Variants in ENG observed in about 807,000 individuals in gnomAD.
ENG encodes CD105 antigen.
In ENG, 17 loss-of-function variants were observed where a neutral mutation model predicts 71.0. The observed-to-expected ratio is 0.24, with a 90% CI of 0.16 to 0.36. The LOEUF (loss-of-function observed/expected upper bound fraction) is 0.36, where lower values mean the gene tolerates loss of function less well. Among genes scored for constraint, ENG ranks in the 10% least tolerant of loss-of-function variants. The pLI is 1.00. For synonymous variants in ENG, 360 were observed against 366.9 expected, an observed-to-expected ratio of 0.98 and a Z score of 0.21; for missense variants, 749 against 868.3, an observed-to-expected ratio of 0.86 and a Z score of 1.73.
At chr9:127,845,753 C>T (rs1236191257) in intron 1 of ENG, among the ~76,000 whole-genome samples, 3 of 152,346 alleles carry the variant, frequency 2.0e-5, no homozygotes, top group South Asian at 2.1e-4. Flanking sequence ...GTCTCCTGGG[C>T]TGGAGTGCAG....
chr9:127,850,580 T>C (rs1266869808), intron 1 of ENG, among the ~76,000 whole-genome samples: 1 of 152,160 alleles, frequency 6.6e-6, no homozygotes. Context: ...TCCTAGCAAA[T>C]GGGAACGCAG....
rs1831080531 is a variant in ENG at position 127,843,120 on chromosome 9, G to C, written c.193C>G (p.His65Asp). Reference sequence around the variant, plus strand: ...GTTGGGAACTCCAGGAAGAGGACATGGACTTCAAGGATGGCATTGGGGGCC... The same window carrying C: ...GTTGGGAACTCCAGGAAGAGGACATCGACTTCAAGGATGGCATTGGGGGCC... ...AQAPNAILEVHVLFLEFPTGP... is the reference protein window; with the variant it reads ...AQAPNAILEVDVLFLEFPTGP... Residue 65 changes from histidine to aspartate, a missense_variant, in exon 2 of 15, where the codon CAT becomes GAT. By Grantham distance (81) the His-to-Asp change is moderately conservative (BLOSUM62 -1). Coordinates refer to ENST00000373203, the MANE Select transcript of ENG (RefSeq NM_001114753.3). 6.2e-7 allele frequency: 1 copy of C among 1,614,058 alleles called. No homozygotes were observed. The highest frequency in any genetic ancestry group is 1.7e-5 in the Admixed American group (1 of 60,012).
At chr9:127,840,431 AC>A (rs1233562468) in intron 2 of ENG, among the ~76,000 whole-genome samples, 2 of 152,238 alleles carry the variant, frequency 1.3e-5, no homozygotes, top group African/African-American at 4.8e-5. Context: ...CCCTGTCTCT[AC>A]TAAAAATACA....
chr9:127,841,949 C>T (rs1259751371), intron 2 of ENG, among the ~76,000 whole-genome samples: 3 of 152,188 alleles, frequency 2.0e-5, no homozygotes, highest in African/African-American at 4.8e-5. Flanking sequence ...GGCAGATGAG[C>T]CTTGGGAGGC....
At chr9:127,847,642 G>T (rs903075988) in intron 1 of ENG, among the ~76,000 whole-genome samples, 2 of 152,058 alleles carry the variant, frequency 1.3e-5, no homozygotes, top group Admixed American at 6.6e-5. Context: ...TAGAGACGGG[G>T]TTTCGCCGTA....
At chr9:127,818,023 C>T in intron 12 of ENG, 97 bp downstream of exon 12, 2 of 1,589,188 alleles carry the variant, frequency 1.3e-6, no homozygotes, top group Non-Finnish European at 1.7e-6. Context: ...CCCTCACCAG[C>T]TGGCCCCACA....
intron 1 of ENG, among the ~76,000 whole-genome samples, chr9:127,850,537 G>T (rs1422157999): frequency 6.6e-6 from 1 of 152,198 alleles, no homozygotes; most frequent in Non-Finnish European, 1.5e-5. Context: ...CCCTCTCCTG[G>T]TTCACACGGC....
chr9:127,830,243 G>A (rs1354948640), intron 2 of ENG, among the ~76,000 whole-genome samples: 1 of 150,818 alleles, frequency 6.6e-6, no homozygotes, highest in Non-Finnish European at 1.5e-5. Context: ...TGGGGAGGCT[G>A]AGACACAAGA....
intron 1 of ENG, among the ~76,000 whole-genome samples, chr9:127,845,018 C>T (rs1831136675): frequency 2.0e-5 from 3 of 152,156 alleles, no homozygotes; most frequent in Admixed American, 6.5e-5. Context: ...CCAGCAGGGT[C>T]GGAAAAGGAA....
intron 1 of ENG, among the ~76,000 whole-genome samples, chr9:127,849,669 T>C (rs1831246043): frequency 6.6e-6 from 1 of 152,084 alleles, no homozygotes; most frequent in Non-Finnish European, 1.5e-5. Flanking sequence ...GTACCCCGGA[T>C]GGGAGGGCCG....
chr9:127,820,267 C>CA (rs1373182179), intron 8 of ENG, among the ~76,000 whole-genome samples: 1 of 152,126 alleles, frequency 6.6e-6, no homozygotes, highest in East Asian at 1.9e-4. Context: ...GATCTTGGCT[C>CA]ACTACAACCT....
chr9:127,830,818 G>C (rs1042332572), intron 2 of ENG, among the ~76,000 whole-genome samples: 2 of 152,010 alleles, frequency 1.3e-5, no homozygotes, highest in African/African-American at 4.8e-5. Flanking sequence ...CTGAGTGACA[G>C]CTCTGCTTCC....
At position 127,829,750 on chromosome 9, in the gene ENG, G is replaced by A. The variant is rs2131895105; in HGVS notation, c.297C>T (p.Leu99=). Residue 99 remains leucine (L), a synonymous_variant, in exon 3 of 15, where the codon CTC becomes CTT. Coordinates refer to ENST00000373203, the MANE Select transcript of ENG (RefSeq NM_001114753.3). ...GCAGGAAGACACTGCTGTTTACACT[G>A]AGGACCAGAAGCACCTCTCGGGGCC... ...GTWPREVLLV[L]SVNSSVFLHL... 1 of 1,614,148 alleles carries A rather than the reference G, an allele frequency of 6.2e-7. No individual in the cohort carries two copies. Among genetic ancestry groups the A allele is most frequent in the Non-Finnish European group, 8.5e-7 (1 of 1,180,022 alleles).
chr9:127,854,048 G>T (rs1564466284), intron 1 of ENG, among the ~76,000 whole-genome samples: 2 of 152,202 alleles, frequency 1.3e-5, no homozygotes, highest in African/African-American at 4.8e-5. Flanking sequence ...GTGAGCAGAC[G>T]CCAGAGACCA....
intron 2 of ENG, among the ~76,000 whole-genome samples, chr9:127,835,008 T>G (rs1412076611): frequency 6.6e-6 from 1 of 151,670 alleles, no homozygotes; most frequent in Non-Finnish European, 1.5e-5. Context: ...ATATATATAA[T>G]TTTTTTCTTT....
intron 8 of ENG, among the ~76,000 whole-genome samples, chr9:127,823,174 C>G (rs1225638414): frequency 6.6e-6 from 1 of 151,620 alleles, no homozygotes; most frequent in Non-Finnish European, 1.5e-5. Context: ...TGAGACGAGT[C>G]TTGCTCTGTT....
At position 127,838,570 on chromosome 9, in the gene ENG, G is replaced by T. The variant is rs1368417941; in HGVS notation, c.219+4524C>A. Among the ~76,000 whole-genome samples, 1 of 152,168 alleles carries T rather than the reference G, an allele frequency of 6.6e-6. No homozygotes were observed. Among genetic ancestry groups the T allele is most frequent in the Non-Finnish European group, 1.5e-5 (1 of 68,034 alleles). On this transcript the variant is annotated intron_variant, in intron 2 of 14. Coordinates refer to ENST00000373203, the MANE Select transcript of ENG (RefSeq NM_001114753.3). This position sits in a 1 kb window ranked among gnomAD's most constrained non-coding sequence, Gnocchi z 4.3. ...GACAGGCTGTGTCTGTTCAGGGGTGGGTGGGGTCTCAGCTGCCCCAAGTTT... is the reference window on the plus strand; with the variant it reads ...GACAGGCTGTGTCTGTTCAGGGGTGTGTGGGGTCTCAGCTGCCCCAAGTTT...
rs375364807 is a variant in ENG at position 127,848,003 on chromosome 9, C to A, written c.68-4758G>T. ...AAAGGTTCAGGTCCTGATTCTTCCA[C>A]CTGCCAGCTGCCTTTCCATCCTCAG... On this transcript the variant is annotated intron_variant, in intron 1 of 14. Transcript: ENST00000373203. 5.9e-5 allele frequency among the ~76,000 whole-genome samples: 9 copies of A among 152,300 alleles called. No homozygotes were observed. The East Asian group carries it at 1.2e-3, about 20-fold the overall frequency.
At chr9:127,830,481 A>G (rs1830738081) in intron 2 of ENG, among the ~76,000 whole-genome samples, 1 of 151,812 alleles carries the variant, frequency 6.6e-6, no homozygotes, top group Admixed American at 6.6e-5. Flanking sequence ...CGTCTTTACT[A>G]AAAATACAAA....
Sources: allele counts gnomAD v4.1 joint callset (sites outside exome capture counted in the v4.1 genomes callset), GRCh38; gene constraint gnomAD v4.1.1; non-coding constraint Gnocchi (gnomAD v3.1); transcripts MANE v1.5; gene names NCBI Gene and HGNC (gene_info 2026-07-23, HGNC 2026-07-21).